The following NRXN3 variants were observed in gnomAD, a reference collection of about 807,000 sequenced individuals.
NRXN3 encodes neurexin III.
NRXN3 carries 32 observed loss-of-function variants against 137.6 expected under a neutral mutation model. That is an observed-to-expected ratio of 0.23 (90% CI 0.18 to 0.31). The LOEUF (loss-of-function observed/expected upper bound fraction) is 0.31, where lower values mean the gene tolerates loss of function less well. NRXN3 is among the 10% of genes least tolerant of loss of function. The pLI, the probability that NRXN3 is intolerant of heterozygous loss-of-function variation, is 1.00. For synonymous variants in NRXN3, 798 were observed against 784.5 expected (o/e 1.02, Z -0.29); for missense variants, 1,574 against 2,062.5 (o/e 0.76, Z 4.59).
At chr14:78,202,856 G>A (rs1043991332) in intron 1 of NRXN3, among the ~76,000 whole-genome samples, 2 of 152,216 alleles carry the variant, frequency 1.3e-5, no homozygotes, top group Non-Finnish European at 2.9e-5. Flanking sequence ...CTAACCCAAT[G>A]CCATAGGTAG....
intron 2 of NRXN3, among the ~76,000 whole-genome samples, chr14:78,254,927 C>T (rs1318148651): frequency 2.0e-5 from 3 of 151,926 alleles, no homozygotes; most frequent in African/African-American, 7.3e-5. Flanking sequence ...CTTGGAAGCA[C>T]ATTCCCTGTG....
At chr14:78,202,860 T>C (rs536482519) in intron 1 of NRXN3, among the ~76,000 whole-genome samples, 4 of 152,280 alleles carry the variant, frequency 2.6e-5, no homozygotes. Flanking sequence ...CCCAATGCCA[T>C]AGGTAGAATT....
intron 4 of NRXN3, among the ~76,000 whole-genome samples, chr14:78,399,861 C>T (rs557602427): frequency 1.3e-5 from 2 of 152,214 alleles, no homozygotes; most frequent in African/African-American, 4.8e-5. Context: ...AGAAAAAGTC[C>T]TCCGGAAAAA....
At chr14:78,478,989 A>G (rs1370963671) in intron 4 of NRXN3, among the ~76,000 whole-genome samples, 1 of 152,224 alleles carries the variant, frequency 6.6e-6, no homozygotes, top group African/African-American at 2.4e-5. Context: ...AAGAAGTTAT[A>G]GTGAACAAAA....
chr14:78,711,016 A>ACTT (rs746557661), intron 7 of NRXN3, among the ~76,000 whole-genome samples: 2 of 152,148 alleles, frequency 1.3e-5, no homozygotes, highest in Non-Finnish European at 2.9e-5. Flanking sequence ...CACCCCCCAT[A>ACTT]CTTCTTCTTC....
Position 78,810,311 on chromosome 14 carries a change from C to T in NRXN3, c.2249-7C>T, listed in dbSNP as rs2098903748. On this transcript the variant is annotated splice_polypyrimidine_tract_variant and splice_region_variant and intron_variant, in intron 9 of 20. Transcript: ENST00000335750. ...ATTTCATCTTTCATTTATTTTTCCC[C>T]ATCTAGACTGTATCAGGATAAACTG... 2 of 1,510,770 alleles carry T rather than the reference C, an allele frequency of 1.3e-6. No individual in the cohort carries two copies. Among genetic ancestry groups the T allele is most frequent in the Admixed American group, 4.1e-5 (2 of 48,610 alleles). 93.6% of individuals were successfully genotyped at this position (1,510,770 alleles called of 1,614,324 possible).
intron 15 of NRXN3, among the ~76,000 whole-genome samples, chr14:79,094,858 A>C (rs2049937608): frequency 6.6e-6 from 1 of 152,072 alleles, no homozygotes; most frequent in Non-Finnish European, 1.5e-5. Context: ...AAAGCAATAG[A>C]GAAGATTTGT....
intron 10 of NRXN3, among the ~76,000 whole-genome samples, chr14:78,898,291 G>A (rs1448411426): frequency 6.6e-6 from 1 of 151,870 alleles, no homozygotes; most frequent in Non-Finnish European, 1.5e-5. Context: ...GAATTCATTG[G>A]GTGTTTTAAT....
intron 8 of NRXN3, among the ~76,000 whole-genome samples, chr14:78,753,068 C>T (rs2098650700): frequency 6.6e-6 from 1 of 152,138 alleles, no homozygotes; most frequent in Admixed American, 6.5e-5. Context: ...GATGTCAATT[C>T]AGAAACCACA....
intron 4 of NRXN3, among the ~76,000 whole-genome samples, chr14:78,501,805 G>A (rs2095881154): frequency 6.6e-6 from 1 of 152,122 alleles, no homozygotes; most frequent in Non-Finnish European, 1.5e-5. Flanking sequence ...GCAGGGGGTG[G>A]AAGCATGGAA....
At chr14:79,395,453 G>A (rs1324093101) in intron 15 of NRXN3, among the ~76,000 whole-genome samples, 1 of 152,144 alleles carries the variant, frequency 6.6e-6, no homozygotes, top group Non-Finnish European at 1.5e-5. Context: ...GTCAAAAACT[G>A]TTTACAGCTA....
chr14:78,749,502 A>G (rs2098630814), intron 8 of NRXN3, among the ~76,000 whole-genome samples: 1 of 152,222 alleles, frequency 6.6e-6, no homozygotes, highest in Non-Finnish European at 1.5e-5. Flanking sequence ...TTTCACCTGC[A>G]TATGTAAGGT....
chr14:78,930,570 A>C (rs1273038965), intron 10 of NRXN3, among the ~76,000 whole-genome samples: 3 of 152,222 alleles, frequency 2.0e-5, no homozygotes, highest in African/African-American at 7.2e-5. Flanking sequence ...GCACCAAGAC[A>C]GGCAAATAAT....
chr14:78,797,932 A>G (rs1300934343), intron 8 of NRXN3, among the ~76,000 whole-genome samples: 2 of 152,206 alleles, frequency 1.3e-5, no homozygotes, highest in Non-Finnish European at 2.9e-5. Flanking sequence ...AACTGCCCCC[A>G]GGATTCAATT....
At position 79,008,074 on chromosome 14, in the gene NRXN3, A is replaced by C. The variant is rs373194711; in HGVS notation, c.3262+19933A>C. 1.2e-4 allele frequency among the ~76,000 whole-genome samples: 19 copies of C among 152,078 alleles called. No individual in the cohort carries two copies. The East Asian group carries it at 1.9e-3, about 16-fold the overall frequency. On this transcript the variant is annotated intron_variant, in intron 15 of 20. Coordinates refer to ENST00000335750, the MANE Select transcript of NRXN3 (RefSeq NM_001330195.2). The stretch of plus-strand genomic sequence containing the variant: ...AGTAAACCCTACCGCTGTGTTGTAA[A>C]CTGTTTAGATATCCACATAAGAAGG...
At chr14:79,786,782 A>AAGAT (rs1210630027) in intron 19 of NRXN3, among the ~76,000 whole-genome samples, 2 of 152,214 alleles carry the variant, frequency 1.3e-5, no homozygotes, top group African/African-American at 4.8e-5. Flanking sequence ...TGAATATTCT[A>AAGAT]AGATAGATGT....
At chr14:79,293,284 T>C (rs374654093) in intron 15 of NRXN3, among the ~76,000 whole-genome samples, 3 of 152,212 alleles carry the variant, frequency 2.0e-5, no homozygotes, top group African/African-American at 7.2e-5. Flanking sequence ...CTCCAGGCCC[T>C]GAGGAATGAT....
intron 16 of NRXN3, among the ~76,000 whole-genome samples, chr14:79,584,262 G>A (rs576539634): frequency 7.8e-4 from 118 of 152,128 alleles, no homozygotes; most frequent in Non-Finnish European, 1.4e-3. Context: ...CCATGTCCAG[G>A]GGGTGAGCAG....
chr14:79,560,504 CTTTTTTTT>C (rs34025659), intron 16 of NRXN3, among the ~76,000 whole-genome samples: 4 of 43,770 alleles, frequency 9.1e-5, no homozygotes, highest in African/African-American at 1.6e-4. Context: ...AGATTGTAAG[CTTTTTTTT>C]TTTTTTTTTT....
Sources: allele counts gnomAD v4.1 joint callset (sites outside exome capture counted in the v4.1 genomes callset), GRCh38; gene constraint gnomAD v4.1.1; transcripts MANE v1.5; gene names NCBI Gene and HGNC (gene_info 2026-07-23, HGNC 2026-07-21).